The following UBE2D3 variants were observed in gnomAD, a reference collection of about 807,000 sequenced individuals.
UBE2D3 encodes the protein ubiquitin-conjugating enzyme E2 D3.
A neutral mutation model predicts 22.8 loss-of-function variants in UBE2D3; 2 were observed. The ratio of observed to expected loss-of-function variants is 0.09; its 90% CI spans 0.04 to 0.28. The LOEUF is 0.28. UBE2D3 is among the 10% of genes least tolerant of loss of function. The probability of loss-of-function intolerance (pLI) is 1.00; values close to 1 mark genes in which losing one functional copy is unlikely to be tolerated. For synonymous variants in UBE2D3, 56 were observed against 60.4 expected, an observed-to-expected ratio of 0.93 and a Z score of 0.34; for missense variants, 27 against 182.5, an observed-to-expected ratio of 0.15 and a Z score of 4.91.
intron 2 of UBE2D3, among the ~76,000 whole-genome samples, chr4:102,814,408 C>T (rs1371733550): frequency 3.3e-5 from 5 of 151,426 alleles, no homozygotes; most frequent in African/African-American, 9.7e-5. Flanking sequence ...CCTGCCTCAG[C>T]CTCCTGAGTA....
intron 1 of UBE2D3, among the ~76,000 whole-genome samples, chr4:102,854,636 G>A (rs1434181003): frequency 1.3e-5 from 2 of 152,060 alleles, no homozygotes; most frequent in Non-Finnish European, 2.9e-5. Flanking sequence ...CTTTTTATTA[G>A]TTTTAGCATG....
chr4:102,841,589 G>A (rs886199734), intron 1 of UBE2D3, among the ~76,000 whole-genome samples: 1 of 152,018 alleles, frequency 6.6e-6, no homozygotes, highest in Non-Finnish European at 1.5e-5. Context: ...TTGTATAACA[G>A]TTTATACATT....
At chr4:102,819,884 T>C (rs751326181) in intron 2 of UBE2D3, among the ~76,000 whole-genome samples, 1 of 152,170 alleles carries the variant, frequency 6.6e-6, no homozygotes, top group Admixed American at 6.5e-5. Context: ...TATTTGAGAG[T>C]CTATTTCTTT....
intron 1 of UBE2D3, among the ~76,000 whole-genome samples, chr4:102,834,893 C>T (rs907818021): frequency 8.5e-5 from 13 of 152,058 alleles, no homozygotes; most frequent in Admixed American, 2.6e-4. Context: ...GTCCTCCCAC[C>T]TCAGCCTCCT....
intron 2 of UBE2D3, among the ~76,000 whole-genome samples, chr4:102,818,457 C>T (rs1174127384): frequency 2.0e-5 from 3 of 152,288 alleles, no homozygotes; most frequent in African/African-American, 7.2e-5. Flanking sequence ...GTCAAGGAGA[C>T]CCCTCTGCCT....
intron 1 of UBE2D3, among the ~76,000 whole-genome samples, chr4:102,845,282 G>A (rs575029818): frequency 1.3e-5 from 2 of 152,120 alleles, no homozygotes; most frequent in Non-Finnish European, 2.9e-5. Context: ...AATGGTCACT[G>A]GTCCCTATGG....
At chr4:102,853,690 G>A (rs965225680) in intron 1 of UBE2D3, among the ~76,000 whole-genome samples, 7 of 152,104 alleles carry the variant, frequency 4.6e-5, no homozygotes, top group African/African-American at 1.7e-4. Context: ...GATAGGTGGT[G>A]GTGTTATGAG....
In UBE2D3 at chr4:102,799,514, A is replaced by G; in HGVS notation, c.305-14T>C. ...TGGATAAAAGAACTGCAAGAAAACA[A>G]AAACATCTGTTACCCAGTTTCAGGA... On this transcript the variant is annotated splice_polypyrimidine_tract_variant and intron_variant, in intron 6 of 7. Coordinates refer to ENST00000453744, the MANE Select transcript of UBE2D3 (RefSeq NM_181891.3). The G allele has an allele frequency of 6.3e-7, 1 of 1,594,154 alleles. No homozygotes were observed. The highest frequency in any genetic ancestry group is 8.6e-7 in the Non-Finnish European group (1 of 1,166,356).
chr4:102,810,923 A>C (rs1453729994), intron 2 of UBE2D3: 1 of 152,154 alleles, frequency 6.6e-6, no homozygotes, highest in Non-Finnish European at 1.5e-5. Flanking sequence ...TCAAACTAAC[A>C]GTTTCTCTTA....
In UBE2D3 at chr4:102,813,301, C is replaced by G. The variant is rs223411; in HGVS notation, c.25-3446G>C. ...TCCTGGGCTCAAGGGATCCTCTTGC[C>G]TCAGCCTCTTAAGCAGCTGGAGTTG... On this transcript the variant is annotated intron_variant, in intron 2 of 7. Transcript: ENST00000453744. 7.1e-3 allele frequency among the ~76,000 whole-genome samples: 1,078 copies of G among 152,284 alleles called. 17 individuals carry two copies. Among genetic ancestry groups the G allele is most frequent in the Middle Eastern group, 0.034 (10 of 294 alleles).
At chr4:102,807,631 AG>A (rs1727273036) in intron 4 of UBE2D3, among the ~76,000 whole-genome samples, 1 of 152,228 alleles carries the variant, frequency 6.6e-6, no homozygotes, top group African/African-American at 2.4e-5. Context: ...TTATATTAAA[AG>A]GTTGCTGAAA....
At chr4:102,808,670 AG>A (rs2110278232) in intron 4 of UBE2D3, among the ~76,000 whole-genome samples, 1 of 152,266 alleles carries the variant, frequency 6.6e-6, no homozygotes, top group African/African-American at 2.4e-5. Context: ...CACTTGTTTT[AG>A]GTATCTGTCT....
At chr4:102,868,574 G>A (rs1733289806) in intron 1 of UBE2D3, 1 of 1,008,070 alleles carries the variant, frequency 9.9e-7, no homozygotes, top group Non-Finnish European at 1.6e-6. Context: ...GCCTTTGGGT[G>A]AAGGAGTAAA....
chr4:102,857,117 T>C (rs1732661749), intron 1 of UBE2D3, among the ~76,000 whole-genome samples: 1 of 152,170 alleles, frequency 6.6e-6, no homozygotes, highest in Admixed American at 6.5e-5. Context: ...ATGCAGGATA[T>C]TAATAGGAGA....
At chr4:102,808,837 C>T (rs569666978) in intron 4 of UBE2D3, among the ~76,000 whole-genome samples, 34 of 152,128 alleles carry the variant, frequency 2.2e-4, no homozygotes, top group African/African-American at 6.5e-4. Context: ...CTTGTTGATT[C>T]GACTCATCTA....
intron 1 of UBE2D3, among the ~76,000 whole-genome samples, chr4:102,832,998 C>CAA (rs5860735): frequency 0.018 from 2,269 of 125,754 alleles, 40 homozygotes; most frequent in African/African-American, 0.029. Context: ...CCCTGTCTCT[C>CAA]AAAAAAAAAA....
In UBE2D3 at chr4:102,799,086, C is replaced by A. The variant is rs953274349; in HGVS notation, c.398+321G>T. 3.5e-5 allele frequency: 43 copies of A among 1,221,046 alleles called. No individual in the cohort carries two copies. In the Middle Eastern group the frequency reaches 8.1e-4, roughly 23 times the overall value. The allele number at this position is 1,221,046 out of a possible 1,614,324, so 75.6% of individuals were successfully genotyped here. On this transcript the variant is annotated intron_variant, in intron 7 of 7. Coordinates refer to ENST00000453744, the MANE Select transcript of UBE2D3 (RefSeq NM_181891.3). ...TTGAGAAATTTAGACCAAATTTTTA[C>A]AATAGTACTAACATTTTTGGAAAAA...
At chr4:102,828,616 T>C (rs1730923539), upstream of UBE2D3, among the ~76,000 whole-genome samples, 3 of 151,886 alleles carry the variant, frequency 2.0e-5, no homozygotes, top group Non-Finnish European at 4.4e-5. Context: ...GGGAACAAGC[T>C]TAAATTCTCA....
At chr4:102,802,361 A>G (rs1047730596) in intron 5 of UBE2D3, 200 bp downstream of exon 5, 7 of 372,258 alleles carry the variant, frequency 1.9e-5, no homozygotes, top group African/African-American at 1.5e-4. Context: ...ACATTAAAGA[A>G]AAGGCAAACC....
Sources: gnomAD v4.1 joint callset for allele counts (sites outside exome capture counted in the v4.1 genomes callset) on GRCh38, gnomAD v4.1.1 for gene constraint, MANE v1.5 for transcripts, NCBI Gene and HGNC (gene_info 2026-07-23, HGNC 2026-07-21) for gene names.